CYB5R2: variants seen among roughly 807,000 people sequenced by gnomAD.
The protein encoded by CYB5R2 is NADH-cytochrome b5 reductase 2.
A neutral mutation model predicts 29.8 loss-of-function variants in CYB5R2; 35 were observed. The ratio of observed to expected loss-of-function variants is 1.17; its 90% confidence interval spans 0.90 to 1.56. The LOEUF (loss-of-function observed/expected upper bound fraction) is 1.56, where lower values mean the gene tolerates loss of function less well. Among genes scored for constraint, CYB5R2 ranks in the 40% most tolerant of loss-of-function variants. CYB5R2 has a pLI of 0.00. For synonymous variants in CYB5R2, 169 were observed against 130.6 expected (o/e 1.29, Z -2.01); for missense variants, 419 against 346.7 (o/e 1.21, Z -1.66).
At chr11:7,673,629 C>T (rs981717728), upstream of CYB5R2, 1 of 985,254 alleles carries the variant, frequency 1.0e-6, no homozygotes, top group Non-Finnish European at 1.2e-6. Flanking sequence ...CTCTAGCCGG[C>T]CTCCGCGCCT....
At chr11:7,666,631 C>T in intron 7 of CYB5R2, 81 bp from the exon 8 acceptor site, 7 of 1,010,476 alleles carry the variant, frequency 6.9e-6, no homozygotes, top group Non-Finnish European at 9.0e-6. Context: ...TCAGCATACT[C>T]CTGGCCAAAG....
At chr11:7,668,360 CACCTTCT>C (rs1175956266) in intron 6 of CYB5R2, 111 bp downstream of exon 6, 1 of 830,476 alleles carries the variant, frequency 1.2e-6, no homozygotes, top group Non-Finnish European at 2.1e-6. Flanking sequence ...TCATCGTTCC[CACCTTCT>C]ACAGCTGGAG....
chr11:7,668,587 C>T (rs1463568084), intron 5 of CYB5R2, 26 bp from the exon 6 acceptor site: 2 of 1,576,910 alleles, frequency 1.3e-6, no homozygotes, highest in South Asian at 2.2e-5. Context: ...ATGCTTATGA[C>T]CTCTGCAGTT....
intron 8 of CYB5R2, 183 bp downstream of exon 8, chr11:7,666,268 C>G: frequency 1.7e-6 from 1 of 600,518 alleles, no homozygotes; most frequent in African/African-American, 1.9e-5. Flanking sequence ...CCCTTAAAAG[C>G]AGGCCATCCC....
Position 7,672,491 on chromosome 11 carries a change from A to T in CYB5R2, c.111T>A (p.Phe37Leu). 1 of 1,614,258 alleles carries T rather than the reference A, an allele frequency of 6.2e-7. No homozygotes were observed. Among genetic ancestry groups the T allele is most frequent in the Non-Finnish European group, 8.5e-7 (1 of 1,180,034 alleles). The change falls in exon 3 of 9, where the codon TTT becomes TTA. Residue 37 changes from phenylalanine (F) to leucine (L), a missense_variant. Coordinates refer to ENST00000299498, the MANE Select transcript of CYB5R2 (RefSeq NM_016229.5). Reference protein sequence around the residue: ...KISHNTRRFRFGLPSPDHVLG... With the variant: ...KISHNTRRFRLGLPSPDHVLG... ...AGACATGGTCCGGCGAAGGCAGTCC[A>T]AAGCGGAACCTCCGGGTGTTGTGGC...
At chr11:7,667,675 G>GC in intron 7 of CYB5R2, 53 bp downstream of exon 7, 6 of 1,484,018 alleles carry the variant, frequency 4.0e-6, no homozygotes, top group Non-Finnish European at 5.7e-6. Flanking sequence ...GAAAACAAGA[G>GC]CCCAGCTCAG....
chr11:7,672,483 G>T lies in CYB5R2; in HGVS notation c.119C>A (p.Pro40His). 6.2e-7 allele frequency: 1 copy of T among 1,614,206 alleles called. No homozygotes were observed. Among genetic ancestry groups the T allele is most frequent in the East Asian group, 2.2e-5 (1 of 44,880 alleles). Residue 40 changes from proline to histidine, a missense_variant, in exon 3 of 9, where the codon CCT becomes CAT. By Grantham distance (77) the Pro-to-His change is moderately conservative. Coordinates refer to ENST00000299498, the MANE Select transcript of CYB5R2 (RefSeq NM_016229.5). The part of the protein sequence containing the change: ...HNTRRFRFGL[P>H]SPDHVLGLPV... ...AAGCCCTAAGACATGGTCCGGCGAA[G>T]GCAGTCCAAAGCGGAACCTCCGGGT...
At chr11:7,666,225 G>A in intron 8 of CYB5R2, 1 of 593,006 alleles carries the variant, frequency 1.7e-6, no homozygotes, top group Non-Finnish European at 3.0e-6. Flanking sequence ...AGCGTGAGGT[G>A]CTGCTGATGT....
At chr11:7,666,067 A>G in intron 8 of CYB5R2, 1 of 695,766 alleles carries the variant, frequency 1.4e-6, no homozygotes, top group Non-Finnish European at 2.5e-6. Flanking sequence ...TGTCCAGGTG[A>G]GGTGGGCGGT....
In CYB5R2 at chr11:7,666,176, A is replaced by C. The variant is rs539793689; in HGVS notation, c.658+275T>G. On this transcript the variant is annotated intron_variant, in intron 8 of 8. Coordinates refer to ENST00000299498, the MANE Select transcript of CYB5R2 (RefSeq NM_016229.5). Reference sequence around the variant, plus strand: ...GGCTGTGTGGAATGGGTGGGTGTTCACAGTGGACAGGGGCAGTGTCCCTTT... The same window carrying C: ...GGCTGTGTGGAATGGGTGGGTGTTCCCAGTGGACAGGGGCAGTGTCCCTTT... The C allele has an allele frequency of 5.7e-4, 340 of 598,556 alleles. 7 individuals carry two copies. The South Asian group carries it at 6.7e-3, about 12-fold the overall frequency. The allele number at this position is 598,556 out of a possible 1,614,324, so 37.1% of individuals were successfully genotyped here. A position where few individuals can be genotyped will look rare whatever the true frequency, so the allele number is the denominator to read the frequency against.
intron 7 of CYB5R2, 28 bp downstream of exon 7, chr11:7,667,700 T>C (rs1855395537): frequency 1.9e-6 from 3 of 1,576,254 alleles, no homozygotes; most frequent in Non-Finnish European, 2.6e-6. Context: ...CATTCCATCC[T>C]ACCACTGCAA....
chr11:7,667,553 A>C, intron 7 of CYB5R2, 175 bp downstream of exon 7: 1 of 619,372 alleles, frequency 1.6e-6, no homozygotes, highest in South Asian at 2.0e-5. Flanking sequence ...TACATGCAAA[A>C]AGCAGGCCTG....
chr11:7,665,793 C>A lies in CYB5R2; in HGVS notation c.659-247G>T, dbSNP rs960730555. 1.0e-5 allele frequency: 15 copies of A among 1,488,350 alleles called. No individual in the cohort carries two copies. In the African/African-American group the frequency reaches 2.1e-4, roughly 21 times the overall value. 92.2% of individuals were successfully genotyped at this position (1,488,350 alleles called of 1,614,324 possible). A position where few individuals can be genotyped will look rare whatever the true frequency, so the allele number is the denominator to read the frequency against. Reference sequence around the variant, plus strand: ...CCTGCTGCTGTCTGTCAGCTGTCAGCATTGACGAGGAAGGAGAACACAACG... The same window carrying A: ...CCTGCTGCTGTCTGTCAGCTGTCAGAATTGACGAGGAAGGAGAACACAACG... On this transcript the variant is annotated intron_variant, in intron 8 of 8. Coordinates refer to ENST00000299498, the MANE Select transcript of CYB5R2 (RefSeq NM_016229.5).
upstream of CYB5R2, chr11:7,673,593 C>T (rs1415075274): frequency 1.0e-6 from 1 of 985,370 alleles, no homozygotes; most frequent in African/African-American, 1.7e-5. Flanking sequence ...CGGCCCCCAA[C>T]CTCCCGGTCG....
Position 7,669,705 on chromosome 11 carries a change from T to C in CYB5R2, c.178A>G (p.Ile60Val). 1 of 1,614,036 alleles carries C rather than the reference T, an allele frequency of 6.2e-7. No homozygotes were observed. The highest frequency in any genetic ancestry group is 8.5e-7 in the Non-Finnish European group (1 of 1,179,932). ...GCCCTGACCACCAATTCATTATCGA[T>C]TTTTGCCAAGAGCTGGACATAGTTA... ...VGNYVQLLAK[I>V]DNELVVRAYT... The change falls in exon 4 of 9, where the codon ATC becomes GTC. Residue 60 changes from isoleucine (I) to valine (V), a missense_variant. Physicochemically the swap from Ile to Val is conservative, Grantham distance 29. Transcript: ENST00000299498.
At chr11:7,674,128 T>A, upstream of CYB5R2, 3 of 1,215,050 alleles carry the variant, frequency 2.5e-6, no homozygotes, top group East Asian at 5.7e-5. Context: ...TCGGCAAGGC[T>A]GGAGAAGGCC....
intron 8 of CYB5R2, 130 bp from the exon 9 acceptor site, chr11:7,665,676 A>G (rs998787165): frequency 1.7e-6 from 2 of 1,179,316 alleles, no homozygotes; most frequent in African/African-American, 1.6e-5. Flanking sequence ...AGAAGTCTGT[A>G]CTACTGCTCC....
At chr11:7,668,295 A>ATATT (rs1237602705) in intron 6 of CYB5R2, among the ~76,000 whole-genome samples, 183 bp downstream of exon 6, 1 of 152,182 alleles carries the variant, frequency 6.6e-6, no homozygotes, top group Non-Finnish European at 1.5e-5. Context: ...AGCAGCCACC[A>ATATT]TATTGGTTAG....
rs1300511861 is a variant in CYB5R2 at position 7,665,667 on chromosome 11, G to GAAGT, written c.659-125_659-122dup. ...TGACAAGCTGCTCTACAAAGGCTTA[G>GAAGT]AAGTCTGTACTACTGCTCCCTGCAA... On this transcript the variant is annotated intron_variant, in intron 8 of 8. Coordinates refer to ENST00000299498, the MANE Select transcript of CYB5R2 (RefSeq NM_016229.5). The GAAGT allele has an allele frequency of 1.9e-5, 23 of 1,235,830 alleles. No homozygotes were observed. In the African/African-American group the frequency reaches 3.2e-4, roughly 17 times the overall value. The allele number at this position is 1,235,830 out of a possible 1,614,324, so 76.6% of individuals were successfully genotyped here. A position where few individuals can be genotyped will look rare whatever the true frequency, so the allele number is the denominator to read the frequency against.
Sources: gnomAD v4.1 joint callset for allele counts (sites outside exome capture counted in the v4.1 genomes callset) on GRCh38, gnomAD v4.1.1 for gene constraint, MANE v1.5 for transcripts, NCBI Gene and HGNC (gene_info 2026-07-23, HGNC 2026-07-21) for gene names.